Variants in ADAMTS3 observed in about 807,000 individuals in gnomAD.
ADAMTS3 encodes ADAM metallopeptidase with thrombospondin type 1 motif 3, also known as A disintegrin and metalloproteinase with thrombospondin motifs 3.
In ADAMTS3, 73 loss-of-function variants were observed where a neutral mutation model predicts 129.0. The observed-to-expected ratio is 0.57, with a 90% CI of 0.47 to 0.69. The LOEUF (loss-of-function observed/expected upper bound fraction) is 0.69. ADAMTS3 is among the 30% of genes least tolerant of loss of function. The probability of loss-of-function intolerance (pLI) is 0.00; values close to 1 mark genes in which losing one functional copy is unlikely to be tolerated. For missense variants in ADAMTS3, 1,457 were observed against 1,514.5 expected, an observed-to-expected ratio of 0.96 and a Z score of 0.63; for synonymous variants, 477 against 510.8, an observed-to-expected ratio of 0.93 and a Z score of 0.89.
chr4:72,473,979 T>C (rs1303118961), intron 3 of ADAMTS3, among the ~76,000 whole-genome samples: 3 of 152,170 alleles, frequency 2.0e-5, no homozygotes, highest in Non-Finnish European at 2.9e-5. Context: ...AATGAGACAC[T>C]CCTGTCTTCA....
In ADAMTS3 at chr4:72,311,302, G is replaced by A. The variant is rs1014602095; in HGVS notation, c.1922-121C>T. On this transcript the variant is annotated intron_variant, in intron 13 of 21. Transcript: ENST00000286657. ...ATTTCCTGAAAACAAAAGGAATACC[G>A]TATAAACAAATAAAATAAGGAGTAA... is the stretch of plus-strand genomic sequence containing the variant. 5.7e-5 allele frequency: 50 copies of A among 882,100 alleles called. 1 individual carries two copies. Among genetic ancestry groups the A allele is most frequent in the Admixed American group, 3.6e-4 (11 of 30,890 alleles). The allele number at this position is 882,100 out of a possible 1,614,324, so 54.6% of individuals were successfully genotyped here.
At chr4:72,382,179 A>G (rs1315390983) in intron 4 of ADAMTS3, among the ~76,000 whole-genome samples, 1 of 152,134 alleles carries the variant, frequency 6.6e-6, no homozygotes, top group Non-Finnish European at 1.5e-5. Flanking sequence ...ACAGCTTCCT[A>G]ATATATTTTA....
chr4:72,553,822 G>C (rs1181154400), intron 2 of ADAMTS3, among the ~76,000 whole-genome samples: 2 of 152,160 alleles, frequency 1.3e-5, no homozygotes, highest in Non-Finnish European at 2.9e-5. Context: ...AGTAGCCAGT[G>C]CACTTGCCTG....
chr4:72,392,219 A>G (rs1353296748), intron 4 of ADAMTS3, among the ~76,000 whole-genome samples: 2 of 152,110 alleles, frequency 1.3e-5, no homozygotes, highest in Non-Finnish European at 2.9e-5. Flanking sequence ...CATCCTGCTG[A>G]TATTTCATAG....
At chr4:72,468,884 T>C (rs1188955180) in intron 3 of ADAMTS3, among the ~76,000 whole-genome samples, 2 of 152,148 alleles carry the variant, frequency 1.3e-5, no homozygotes, top group Admixed American at 6.6e-5. Flanking sequence ...CTAAATGTTA[T>C]TTATTTTTCA....
chr4:72,356,593 T>C (rs1348990033), intron 4 of ADAMTS3, among the ~76,000 whole-genome samples: 1 of 151,852 alleles, frequency 6.6e-6, no homozygotes, highest in Non-Finnish European at 1.5e-5. Context: ...CGCTGATTTA[T>C]AATGAAGAAA....
intron 2 of ADAMTS3, among the ~76,000 whole-genome samples, chr4:72,554,389 C>T (rs532410693): frequency 1.3e-5 from 2 of 152,202 alleles, no homozygotes; most frequent in Admixed American, 6.5e-5. Context: ...AATAGTAAAC[C>T]CTCAATAAAT....
chr4:72,283,798 T>C, intron 21 of ADAMTS3, 94 bp from the exon 22 acceptor site: 1 of 1,110,754 alleles, frequency 9.0e-7, no homozygotes, highest in Non-Finnish European at 1.2e-6. Flanking sequence ...TGTAAAAAGA[T>C]TTAAGTGCAA....
chr4:72,306,199 C>T (rs1476853345), intron 15 of ADAMTS3, 132 bp from the exon 16 acceptor site: 16 of 575,652 alleles, frequency 2.8e-5, no homozygotes, highest in Middle Eastern at 2.7e-4. Flanking sequence ...GAAGCAGTTT[C>T]GGAAATTAAC....
chr4:72,476,599 T>A (rs1402593468), intron 3 of ADAMTS3, among the ~76,000 whole-genome samples: 1 of 151,876 alleles, frequency 6.6e-6, no homozygotes, highest in Non-Finnish European at 1.5e-5. Flanking sequence ...GAAGAAAAAC[T>A]TACCAATTAA....
In ADAMTS3 at chr4:72,438,351, G is replaced by A. The variant is rs138384252; in HGVS notation, c.505-23380C>T. Reference sequence around the variant, plus strand: ...TCATGTAGGCTACATTTCCAGTTACGTTATGTTAGAAATTAAAACAAAATT... The same window carrying A: ...TCATGTAGGCTACATTTCCAGTTACATTATGTTAGAAATTAAAACAAAATT... On this transcript the variant is annotated intron_variant, in intron 3 of 21. Coordinates refer to ENST00000286657, the MANE Select transcript of ADAMTS3 (RefSeq NM_014243.3). 5.4e-3 allele frequency among the ~76,000 whole-genome samples: 820 copies of A among 151,656 alleles called. 5 individuals are homozygous for A. Among genetic ancestry groups the A allele is most frequent in the African/African-American group, 0.019 (786 of 41,420 alleles).
intron 5 of ADAMTS3, among the ~76,000 whole-genome samples, chr4:72,323,477 G>A (rs1472487030): frequency 4.6e-5 from 7 of 152,126 alleles, no homozygotes; most frequent in African/African-American, 1.7e-4. Flanking sequence ...CACAGTAAAG[G>A]AAAACAGCAA....
chr4:72,396,793 T>C (rs1170049332), intron 4 of ADAMTS3, among the ~76,000 whole-genome samples: 2 of 152,236 alleles, frequency 1.3e-5, no homozygotes, highest in African/African-American at 4.8e-5. Context: ...CAAAGAACCC[T>C]TATTTTTGCT....
At chr4:72,326,232 A>C (rs2109815163) in intron 5 of ADAMTS3, among the ~76,000 whole-genome samples, 1 of 152,272 alleles carries the variant, frequency 6.6e-6, no homozygotes, top group South Asian at 2.1e-4. Flanking sequence ...CATAGCACAA[A>C]GTATTATTTC....
At chr4:72,501,070 T>C (rs1275163959) in intron 3 of ADAMTS3, among the ~76,000 whole-genome samples, 1 of 152,166 alleles carries the variant, frequency 6.6e-6, no homozygotes, top group Non-Finnish European at 1.5e-5. Context: ...TTGTTCTTTT[T>C]GCTTAGCATT....
At chr4:72,458,451 A>C in intron 3 of ADAMTS3, among the ~76,000 whole-genome samples, 1 of 151,694 alleles carries the variant, frequency 6.6e-6, no homozygotes, top group Non-Finnish European at 1.5e-5. Flanking sequence ...GAATAGGAAC[A>C]GAAATTATGG....
chr4:72,546,037 T>C (rs549781513), intron 3 of ADAMTS3, among the ~76,000 whole-genome samples: 1 of 152,190 alleles, frequency 6.6e-6, no homozygotes, highest in Non-Finnish European at 1.5e-5. Context: ...AAAATAGGCA[T>C]GGCAAGAATA....
intron 17 of ADAMTS3, among the ~76,000 whole-genome samples, chr4:72,298,963 A>C (rs1253593405): frequency 6.6e-6 from 1 of 151,958 alleles, no homozygotes; most frequent in African/African-American, 2.4e-5. Context: ...TTATGGAAAA[A>C]TAGAAAGAAA....
intron 4 of ADAMTS3, among the ~76,000 whole-genome samples, chr4:72,357,690 G>T (rs527675471): frequency 1.1e-3 from 163 of 152,048 alleles, no homozygotes; most frequent in Non-Finnish European, 2.0e-3. Context: ...ATATGGTACA[G>T]TGTCTGCTTT....
Sources: gnomAD v4.1 joint callset for allele counts (sites outside exome capture counted in the v4.1 genomes callset) on GRCh38, gnomAD v4.1.1 for gene constraint, MANE v1.5 for transcripts, NCBI Gene and HGNC (gene_info 2026-07-23, HGNC 2026-07-21) for gene names.